The following CAPN8 variants were observed in gnomAD, a reference collection of about 807,000 sequenced individuals.
CAPN8 encodes the protein calpain 8.
A neutral mutation model predicts 80.9 loss-of-function variants in CAPN8; 87 were observed. The observed-to-expected ratio is 1.07, with a 90% CI of 0.90 to 1.28. The LOEUF (loss-of-function observed/expected upper bound fraction) is 1.28. Among genes scored for constraint, CAPN8 ranks in the 50% most tolerant of loss-of-function variants. The pLI, the probability that CAPN8 is intolerant of heterozygous loss-of-function variation, is 0.00. For missense variants in CAPN8, 757 were observed against 702.0 expected (o/e 1.08, Z -0.89); for synonymous variants, 299 against 273.8 (o/e 1.09, Z -0.91).
At chr1:223,639,810 T>A (rs762793601) in intron 2 of CAPN8, among the ~76,000 whole-genome samples, 6 of 152,262 alleles carry the variant, frequency 3.9e-5, no homozygotes, top group Non-Finnish European at 7.3e-5. Flanking sequence ...GGCTATTTAA[T>A]GCCCATTTGC....
At chr1:223,622,633 G>C in intron 7 of CAPN8, 182 bp downstream of exon 7, 1 of 600,672 alleles carries the variant, frequency 1.7e-6, no homozygotes, top group South Asian at 2.1e-5. Flanking sequence ...ACAGCCCAGT[G>C]GTTTTTATTT....
intron 2 of CAPN8, among the ~76,000 whole-genome samples, chr1:223,648,485 C>A (rs1658252520): frequency 6.6e-6 from 1 of 152,178 alleles, no homozygotes; most frequent in Non-Finnish European, 1.5e-5. Flanking sequence ...CAAAAGGTGT[C>A]CAGGAAAGTG....
intron 2 of CAPN8, chr1:223,642,756 G>A (rs1658077818): frequency 2.2e-6 from 1 of 451,914 alleles, no homozygotes; most frequent in Non-Finnish European, 4.4e-6. Context: ...CACAGCTGAA[G>A]AAACTTGTTC....
chr1:223,627,994 G>A lies in CAPN8; in HGVS notation c.560+15C>T, dbSNP rs143475119. On this transcript the variant is annotated intron_variant, in intron 4 of 20. Coordinates refer to ENST00000366872, the MANE Select transcript of CAPN8 (RefSeq NM_001143962.2). ...AGGCTCTGGCGTCTCCCAGCTCCTG[G>A]CTTCCCCCACTTACTTGGCATAGGC... 36 of 1,525,198 alleles carry A rather than the reference G, an allele frequency of 2.4e-5. No homozygotes were observed. The East Asian group carries it at 8.9e-4, about 38-fold the overall frequency. 94.5% of individuals were successfully genotyped at this position (1,525,198 alleles called of 1,614,324 possible). A position where few individuals can be genotyped will look rare whatever the true frequency, so the allele number is the denominator to read the frequency against.
intron 16 of CAPN8, 127 bp from the exon 17 acceptor site, chr1:223,545,426 C>T: frequency 1.4e-6 from 2 of 1,410,102 alleles, no homozygotes; most frequent in Middle Eastern, 3.6e-4. Flanking sequence ...GCAAGCAGAG[C>T]AGTGGGGGTG....
chr1:223,626,952 G>C (rs764854811), intron 5 of CAPN8, 37 bp downstream of exon 5: 4 of 1,540,808 alleles, frequency 2.6e-6, no homozygotes, highest in African/African-American at 2.7e-5. Context: ...GGTGGCGGTG[G>C]GGGGAGGTGG....
chr1:223,624,977 C>T (rs1315151198), intron 6 of CAPN8, among the ~76,000 whole-genome samples: 2 of 152,216 alleles, frequency 1.3e-5, no homozygotes, highest in Non-Finnish European at 2.9e-5. Context: ...CCTGTAGTCC[C>T]AGCTACTCAG....
At chr1:223,644,074 T>C (rs879421590) in intron 2 of CAPN8, 6 of 229,720 alleles carry the variant, frequency 2.6e-5, no homozygotes, top group Admixed American at 4.9e-5. Flanking sequence ...ACAAACTATA[T>C]CCTTCTCAAC....
intron 1 of CAPN8, among the ~76,000 whole-genome samples, chr1:223,663,235 A>T (rs1658698373): frequency 6.6e-6 from 1 of 152,182 alleles, no homozygotes; most frequent in South Asian, 2.1e-4. Flanking sequence ...AGAACAGGCT[A>T]TGTGGTTAAG....
intron 2 of CAPN8, among the ~76,000 whole-genome samples, chr1:223,644,594 G>A (rs1348465804): frequency 6.6e-6 from 1 of 152,220 alleles, no homozygotes; most frequent in Admixed American, 6.5e-5. Context: ...AAACGCATGT[G>A]ACAGGTGGTG....
chr1:223,556,271 G>A (rs2102694399), intron 13 of CAPN8, among the ~76,000 whole-genome samples: 2 of 152,270 alleles, frequency 1.3e-5, no homozygotes, highest in East Asian at 3.9e-4. Context: ...AAAGTACTGA[G>A]TCCCCTGAGG....
chr1:223,547,276 T>G (rs1374616923), intron 16 of CAPN8, among the ~76,000 whole-genome samples: 1 of 152,206 alleles, frequency 6.6e-6, no homozygotes, highest in Non-Finnish European at 1.5e-5. Context: ...TTAAACTGTA[T>G]TTTTAACACC....
chr1:223,544,917 C>T, intron 17 of CAPN8, 67 bp from the exon 18 acceptor site: 2 of 1,548,556 alleles, frequency 1.3e-6, no homozygotes, highest in Non-Finnish European at 1.7e-6. Flanking sequence ...CCATCTCCCT[C>T]CACCACACTG....
intron 2 of CAPN8, among the ~76,000 whole-genome samples, chr1:223,644,790 C>G (rs940776106): frequency 2.6e-5 from 4 of 152,170 alleles, no homozygotes; most frequent in Non-Finnish European, 5.9e-5. Context: ...CTGCTACTCT[C>G]TCTTGTTACC....
At chr1:223,638,784 C>T (rs1657974749) in intron 2 of CAPN8, among the ~76,000 whole-genome samples, 1 of 152,196 alleles carries the variant, frequency 6.6e-6, no homozygotes, top group African/African-American at 2.4e-5. Context: ...TGGGGCCCTG[C>T]TCTGTCCTAA....
At chr1:223,644,837 G>T (rs1169971309) in intron 2 of CAPN8, among the ~76,000 whole-genome samples, 1 of 152,278 alleles carries the variant, frequency 6.6e-6, no homozygotes, top group Middle Eastern at 3.4e-3. Flanking sequence ...TGTGGCCTCT[G>T]TAGGCATCAG....
At chr1:223,652,790 G>A (rs1473649592) in intron 2 of CAPN8, among the ~76,000 whole-genome samples, 2 of 152,008 alleles carry the variant, frequency 1.3e-5, no homozygotes, top group African/African-American at 2.4e-5. Context: ...GGGCTCCCCG[G>A]GGCAGCCACC....
At chr1:223,634,249 T>C (rs1035176710) in intron 2 of CAPN8, among the ~76,000 whole-genome samples, 1 of 152,098 alleles carries the variant, frequency 6.6e-6, no homozygotes, top group Non-Finnish European at 1.5e-5. Context: ...ACGGAGGCTG[T>C]GATGTGTCAT....
At position 223,627,074 on chromosome 1, in the gene CAPN8, TA is replaced by T. The variant is rs1246252148; in HGVS notation, c.643del (p.Tyr215MetfsTer3). 5 of 1,552,030 alleles carry T rather than the reference TA, an allele frequency of 3.2e-6. No individual in the cohort carries two copies. The highest frequency in any genetic ancestry group is 4.4e-6 in the Non-Finnish European group (5 of 1,147,048). ...EDFTGGISEFYDLKKPPANLY... is the reference protein window; with the variant it reads ...EDFTGGISEFXDLKKPPANLY... ...ATTGGCTGGTGGTTTCTTCAGGTCA[TA>T]AAACTCAGAGATGCCACCTGTGAAA... On this transcript the variant is annotated frameshift_variant, in exon 5 of 21. Transcript: ENST00000366872. LOFTEE classifies it high-confidence loss of function.
Sources: gnomAD v4.1 joint callset for allele counts (sites outside exome capture counted in the v4.1 genomes callset) on GRCh38, gnomAD v4.1.1 for gene constraint, MANE v1.5 for transcripts, NCBI Gene and HGNC (gene_info 2026-07-23, HGNC 2026-07-21) for gene names.